The following LINGO2 variants were observed in gnomAD, a reference collection of about 807,000 sequenced individuals.
LINGO2 encodes leucine-rich repeat and immunoglobulin-like domain-containing nogo receptor-interacting protein 2.
LINGO2 carries 14 observed loss-of-function variants against 30.6 expected under a neutral mutation model. The observed-to-expected ratio is 0.46, with a 90% CI of 0.30 to 0.72. LINGO2 has a LOEUF of 0.72. LINGO2 is among the 30% of genes least tolerant of loss of function. The pLI, the probability that LINGO2 is intolerant of heterozygous loss-of-function variation, is 0.07. For missense variants in LINGO2, 729 were observed against 751.7 expected, an observed-to-expected ratio of 0.97 and a Z score of 0.35; for synonymous variants, 317 against 288.5, an observed-to-expected ratio of 1.10 and a Z score of -1.00.
chr9:29,087,669 G>A, the LINGO2 span, among the ~76,000 whole-genome samples: 2 of 151,862 alleles, frequency 1.3e-5, no homozygotes, highest in African/African-American at 4.8e-5. Flanking sequence ...AATTAGACTA[G>A]AATTTGCTTA....
chr9:28,646,573 C>G (rs892561939), intron 1 of LINGO2, among the ~76,000 whole-genome samples: 1 of 151,806 alleles, frequency 6.6e-6, no homozygotes, highest in African/African-American at 2.4e-5. Context: ...CAAAAAGGAT[C>G]AGACAAAATA....
intron 4 of LINGO2, among the ~76,000 whole-genome samples, chr9:28,173,844 C>A (rs961648277): frequency 1.3e-5 from 2 of 152,126 alleles, no homozygotes; most frequent in African/African-American, 4.8e-5. Flanking sequence ...TTTCCCATGT[C>A]TTTTAGGGAT....
At chr9:28,344,348 C>G (rs2134405138) in intron 3 of LINGO2, among the ~76,000 whole-genome samples, 1 of 152,078 alleles carries the variant, frequency 6.6e-6, no homozygotes, top group African/African-American at 2.4e-5. Flanking sequence ...TTTAAAGAAG[C>G]AGGAGAGATA....
At chr9:28,760,669 C>A in the LINGO2 span, among the ~76,000 whole-genome samples, 1 of 151,776 alleles carries the variant, frequency 6.6e-6, no homozygotes, top group African/African-American at 2.4e-5. Flanking sequence ...CTCTTCCCCT[C>A]AAGTCCCCAA....
chr9:29,180,290 ATCAACAG>A, the LINGO2 span, among the ~76,000 whole-genome samples: 1 of 152,224 alleles, frequency 6.6e-6, no homozygotes, highest in Non-Finnish European at 1.5e-5. Flanking sequence ...CAAGATTATC[ATCAACAG>A]GAATGCATAT....
the LINGO2 span, among the ~76,000 whole-genome samples, chr9:29,025,022 A>G: frequency 6.6e-6 from 1 of 152,138 alleles, no homozygotes; most frequent in South Asian, 2.1e-4. Context: ...CCTGTATTAA[A>G]AGAACACAAA....
At chr9:28,352,500 G>A (rs1819945642) in intron 3 of LINGO2, among the ~76,000 whole-genome samples, 1 of 116,676 alleles carries the variant, frequency 8.6e-6, no homozygotes, top group Non-Finnish European at 1.8e-5. Flanking sequence ...GGAAATAAAA[G>A]AGGATACAAA....
At chr9:28,378,370 T>C (rs1410124683) in intron 2 of LINGO2, among the ~76,000 whole-genome samples, 1 of 152,158 alleles carries the variant, frequency 6.6e-6, no homozygotes, top group Non-Finnish European at 1.5e-5. Context: ...CAGAGGGTTG[T>C]GAAACTCTTA....
chr9:28,876,492 C>T, the LINGO2 span, among the ~76,000 whole-genome samples: 3 of 151,506 alleles, frequency 2.0e-5, no homozygotes, highest in Non-Finnish European at 4.4e-5. Flanking sequence ...TGAGTGAGAA[C>T]ACGTGGTGTT....
chr9:28,409,928 G>A (rs1822684936), intron 2 of LINGO2, among the ~76,000 whole-genome samples: 1 of 104,470 alleles, frequency 9.6e-6, no homozygotes, highest in East Asian at 3.2e-4. Context: ...AATAAAGGGA[G>A]AAGGAAAGGA....
chr9:28,369,565 T>A lies in LINGO2; in HGVS notation c.-246+3271A>T, dbSNP rs150095106. On this transcript the variant is annotated intron_variant, in intron 3 of 5. Coordinates refer to ENST00000379992, the Ensembl canonical transcript of LINGO2. The stretch of plus-strand genomic sequence containing the variant: ...ATAATCTGCCTATTCTTATCTCTCC[T>A]CTTCCATAGGAAAACCTAGAAAGAT... Among the ~76,000 whole-genome samples, 532 of 152,272 alleles carry A rather than the reference T, an allele frequency of 3.5e-3. 4 individuals carry two copies. The highest frequency in any genetic ancestry group is 0.012 in the African/African-American group (509 of 41,548).
the LINGO2 span, among the ~76,000 whole-genome samples, chr9:28,868,603 G>A: frequency 9.9e-5 from 15 of 152,082 alleles, no homozygotes; most frequent in Non-Finnish European, 1.9e-4. Flanking sequence ...GTTATTTGAA[G>A]AGAATAAATG....
At chr9:28,682,127 G>C in the LINGO2 span, among the ~76,000 whole-genome samples, 1 of 152,088 alleles carries the variant, frequency 6.6e-6, no homozygotes, top group African/African-American at 2.4e-5. Flanking sequence ...TGCTTTCCTG[G>C]AATTGCTGAT....
chr9:28,676,457 C>A, the LINGO2 span, among the ~76,000 whole-genome samples: 1 of 152,092 alleles, frequency 6.6e-6, no homozygotes, highest in African/African-American at 2.4e-5. Flanking sequence ...TTGTCATAAA[C>A]CATACCACAA....
intron 4 of LINGO2, among the ~76,000 whole-genome samples, chr9:28,085,990 T>G (rs1251890985): frequency 6.6e-6 from 1 of 152,060 alleles, no homozygotes; most frequent in Admixed American, 6.6e-5. Flanking sequence ...ATGGGTAGTA[T>G]GTTTATATTA....
the LINGO2 span, among the ~76,000 whole-genome samples, chr9:28,746,348 A>G: frequency 6.6e-6 from 1 of 152,064 alleles, no homozygotes; most frequent in African/African-American, 2.4e-5. Flanking sequence ...ATAAAGTTTG[A>G]GAGATATTAT....
chr9:28,138,804 A>G (rs1019383322), intron 4 of LINGO2, among the ~76,000 whole-genome samples: 1 of 152,216 alleles, frequency 6.6e-6, no homozygotes, highest in Non-Finnish European at 1.5e-5. Context: ...ACGACTATAC[A>G]TCAAGTATGT....
chr9:28,327,436 C>T, intron 3 of LINGO2, among the ~76,000 whole-genome samples: 1 of 152,140 alleles, frequency 6.6e-6, no homozygotes, highest in Admixed American at 6.5e-5. Context: ...GAATGAATGG[C>T]TTTTTCAAGC....
chr9:28,225,387 T>C (rs560740710), intron 4 of LINGO2, among the ~76,000 whole-genome samples: 4 of 152,224 alleles, frequency 2.6e-5, no homozygotes, highest in East Asian at 1.9e-4. Context: ...TTACTATATA[T>C]GTTAAATGCA....
Sources: allele counts gnomAD v4.1 joint callset (sites outside exome capture counted in the v4.1 genomes callset), GRCh38; gene constraint gnomAD v4.1.1; transcripts MANE v1.5; gene names NCBI Gene and HGNC (gene_info 2026-07-23, HGNC 2026-07-21).